CBFA2T2: variants seen among roughly 807,000 people sequenced by gnomAD.
The protein encoded by CBFA2T2 is protein CBFA2T2.
CBFA2T2 carries 11 observed loss-of-function variants against 62.2 expected under a neutral mutation model. The ratio of observed to expected loss-of-function variants is 0.18; its 90% CI spans 0.11 to 0.29. The LOEUF (loss-of-function observed/expected upper bound fraction) is 0.29. CBFA2T2 is among the 10% of genes least tolerant of loss of function. The pLI, the probability that CBFA2T2 is intolerant of heterozygous loss-of-function variation, is 1.00. For synonymous variants in CBFA2T2, 295 were observed against 287.5 expected, an observed-to-expected ratio of 1.03 and a Z score of -0.27; for missense variants, 592 against 774.1, an observed-to-expected ratio of 0.76 and a Z score of 2.79.
At chr20:33,593,837 T>G (rs932874697) in intron 1 of CBFA2T2, among the ~76,000 whole-genome samples, 4 of 152,190 alleles carry the variant, frequency 2.6e-5, no homozygotes, top group Non-Finnish European at 5.9e-5. Context: ...TGAAAATTGT[T>G]TTGACCTTTC....
intron 1 of CBFA2T2, among the ~76,000 whole-genome samples, chr20:33,493,950 C>T (rs1033690862): frequency 6.6e-6 from 1 of 151,476 alleles, no homozygotes; most frequent in Non-Finnish European, 1.5e-5. Context: ...GTGGTGCGAT[C>T]TCGGCTCACT....
intron 1 of CBFA2T2, among the ~76,000 whole-genome samples, chr20:33,545,168 G>A (rs968019172): frequency 1.3e-5 from 2 of 152,082 alleles, no homozygotes; most frequent in Non-Finnish European, 2.9e-5. Flanking sequence ...TAAACTTTAG[G>A]AAGCAGTGTT....
intron 1 of CBFA2T2, among the ~76,000 whole-genome samples, chr20:33,527,670 G>A (rs2011928605): frequency 6.6e-6 from 1 of 151,840 alleles, no homozygotes; most frequent in South Asian, 2.1e-4. Flanking sequence ...ACCTCACCCA[G>A]CCCTAAGTCT....
chr20:33,518,703 C>G (rs112695854), intron 1 of CBFA2T2, among the ~76,000 whole-genome samples: 2,591 of 150,474 alleles, frequency 0.017, 67 homozygotes, highest in African/African-American at 0.061. Context: ...ACCCGAGTGG[C>G]AGAGGTTGCG....
At chr20:33,593,946 A>G (rs1380541433) in intron 1 of CBFA2T2, among the ~76,000 whole-genome samples, 2 of 152,202 alleles carry the variant, frequency 1.3e-5, no homozygotes, top group East Asian at 1.9e-4. Flanking sequence ...ATTCAAGCCA[A>G]GGTAAGTTTA....
At chr20:33,504,343 C>G (rs1008500204) in intron 1 of CBFA2T2, among the ~76,000 whole-genome samples, 14 of 150,184 alleles carry the variant, frequency 9.3e-5, no homozygotes, top group Non-Finnish European at 1.8e-4. Context: ...ATGTTTTTCT[C>G]TCTCTTGGAT....
chr20:33,591,871 C>T (rs916415073), intron 1 of CBFA2T2, among the ~76,000 whole-genome samples: 7 of 150,946 alleles, frequency 4.6e-5, no homozygotes, highest in Non-Finnish European at 1.0e-4. Context: ...GAGGGGGGGG[C>T]CTCCTGTAAG....
intron 1 of CBFA2T2, among the ~76,000 whole-genome samples, chr20:33,524,833 A>G (rs969936265): frequency 2.0e-5 from 3 of 152,158 alleles, no homozygotes; most frequent in Non-Finnish European, 4.4e-5. Flanking sequence ...AATGTGACAA[A>G]TAGCTTTTTT....
chr20:33,615,483 C>T (rs2015670720), intron 3 of CBFA2T2, among the ~76,000 whole-genome samples: 1 of 152,126 alleles, frequency 6.6e-6, no homozygotes, highest in African/African-American at 2.4e-5. Context: ...ACTGAAAGGT[C>T]TGTAAAACCC....
intron 1 of CBFA2T2, among the ~76,000 whole-genome samples, chr20:33,493,562 G>C (rs182528083): frequency 2.6e-5 from 4 of 152,280 alleles, no homozygotes; most frequent in Non-Finnish European, 1.5e-5. Context: ...CTGCTGCCCA[G>C]TGAGCATAGC....
chr20:33,551,472 T>A (rs750949347), intron 1 of CBFA2T2, among the ~76,000 whole-genome samples: 7 of 152,106 alleles, frequency 4.6e-5, no homozygotes, highest in Non-Finnish European at 8.8e-5. Context: ...TGCCTTGGCC[T>A]CCCAAAGTGC....
intron 1 of CBFA2T2, among the ~76,000 whole-genome samples, chr20:33,539,243 T>C (rs1300211784): frequency 2.0e-5 from 3 of 152,376 alleles, no homozygotes; most frequent in East Asian, 1.9e-4. Flanking sequence ...CAATATGTCA[T>C]GTGAATTGAA....
rs1306529499 is a variant in CBFA2T2, at chr20:33,649,572, G to C, written c.*4926G>C. ...CTGGTCGAGCCTACGGCTGCCCAGTGTACACTCAGTGATGCTTATACCAAA... is the reference window on the plus strand; with the variant it reads ...CTGGTCGAGCCTACGGCTGCCCAGTCTACACTCAGTGATGCTTATACCAAA... On this transcript the variant is annotated 3_prime_UTR_variant, in exon 11 of 11. Transcript: ENST00000342704. 3.9e-5 allele frequency: 6 copies of C among 152,366 alleles called. No individual in the cohort carries two copies. Among genetic ancestry groups the C allele is most frequent in the African/African-American group, 1.4e-4 (6 of 41,458 alleles). The allele number at this position is 152,366 out of a possible 1,614,324, so 9.4% of individuals were successfully genotyped here.
chr20:33,639,581 A>T (rs1483726985), intron 9 of CBFA2T2: 2 of 151,638 alleles, frequency 1.3e-5, no homozygotes, highest in East Asian at 3.9e-4. Context: ...CGCAAAAAAA[A>T]AAAAAGAAAA....
intron 1 of CBFA2T2, among the ~76,000 whole-genome samples, chr20:33,581,508 G>T (rs1211282976): frequency 6.6e-6 from 1 of 152,032 alleles, no homozygotes; most frequent in Admixed American, 6.6e-5. Context: ...GTGTCTGTGT[G>T]TTTGTCGTCT....
chr20:33,601,436 T>C (rs1555842494), intron 1 of CBFA2T2, among the ~76,000 whole-genome samples: 1 of 152,072 alleles, frequency 6.6e-6, no homozygotes, highest in Non-Finnish European at 1.5e-5. Flanking sequence ...AACTCATTTT[T>C]GTATTTTTAG....
chr20:33,606,127 T>C (rs2015331154), intron 1 of CBFA2T2, among the ~76,000 whole-genome samples: 1 of 152,140 alleles, frequency 6.6e-6, no homozygotes, highest in African/African-American at 2.4e-5. Context: ...CCTATTAATA[T>C]TGATTTATAT....
Position 33,649,809 on chromosome 20 carries a change from G to A in CBFA2T2, c.*5163G>A, listed in dbSNP as rs1279634836. 2.6e-5 allele frequency: 4 copies of A among 152,508 alleles called. No homozygotes were observed. Among genetic ancestry groups the A allele is most frequent in the Non-Finnish European group, 5.9e-5 (4 of 68,018 alleles). The allele number at this position is 152,508 out of a possible 1,614,324, so 9.4% of individuals were successfully genotyped here. ...ATAATGTAAATAAATAGAAAACGAA[G>A]CCTCCACGCGTGGTTTTTAAAGGGG... On this transcript the variant is annotated 3_prime_UTR_variant, in exon 11 of 11. Transcript: ENST00000342704.
At chr20:33,593,162 T>C (rs559905196) in intron 1 of CBFA2T2, among the ~76,000 whole-genome samples, 1 of 151,962 alleles carries the variant, frequency 6.6e-6, no homozygotes, top group Non-Finnish European at 1.5e-5. Context: ...TGAAACCCCA[T>C]CACTACTAAA....
Sources: allele counts gnomAD v4.1 joint callset (sites outside exome capture counted in the v4.1 genomes callset), GRCh38; gene constraint gnomAD v4.1.1; transcripts MANE v1.5; gene names NCBI Gene and HGNC (gene_info 2026-07-23, HGNC 2026-07-21).